Variants in DNAH10 observed in about 807,000 individuals in gnomAD.
The protein encoded by DNAH10 is axonemal beta dynein heavy chain 10.
A neutral mutation model predicts 506.6 loss-of-function variants in DNAH10; 348 were observed. The observed-to-expected ratio is 0.69, with a 90% CI of 0.63 to 0.75. The LOEUF (loss-of-function observed/expected upper bound fraction) is 0.75, where lower values mean the gene tolerates loss of function less well. Ranked by LOEUF, DNAH10 falls within the 30% of genes least tolerant of loss-of-function variation. The pLI is 0.00. For synonymous variants in DNAH10, 2,059 were observed against 2,198.6 expected (o/e 0.94, Z 1.78); for missense variants, 5,179 against 5,787.1 (o/e 0.89, Z 3.41).
At chr12:123,813,687 G>A in intron 20 of DNAH10, 47 bp downstream of exon 20, 1 of 1,612,760 alleles carries the variant, frequency 6.2e-7, no homozygotes, top group Non-Finnish European at 8.5e-7. Context: ...GTGTAAGTTG[G>A]GTCTTCATTT....
rs374930458 is a variant in DNAH10 at position 123,766,908 on chromosome 12, C to CTT, written c.215-684_215-683dup. On this transcript the variant is annotated intron_variant, in intron 1 of 78. Coordinates refer to ENST00000673944, the MANE Select transcript of DNAH10 (RefSeq NM_001372106.1). ...AGTTTTTTCTTTTCTTTTCTTTTTTCTTTTTTTTTTTTTTTGAGACAGAGC... is the reference window on the plus strand; with the variant it reads ...AGTTTTTTCTTTTCTTTTCTTTTTTCTTTTTTTTTTTTTTTTTGAGACAGAGC... 4.6e-3 allele frequency among the ~76,000 whole-genome samples: 638 copies of CTT among 137,952 alleles called. 8 individuals are homozygous for CTT. The highest frequency in any genetic ancestry group is 0.015 in the African/African-American group (574 of 38,396). The allele number at this position is 137,952 out of a possible 152,430, so 90.5% of individuals were successfully genotyped here.
chr12:123,902,922 C>G lies in DNAH10; in HGVS notation c.9641-17C>G. 1 of 1,568,692 alleles carries G rather than the reference C, an allele frequency of 6.4e-7. No individual in the cohort carries two copies. The highest frequency in any genetic ancestry group is 8.6e-7 in the Non-Finnish European group (1 of 1,157,282). Reference sequence around the variant, plus strand: ...CTCTGAGCCCAAGCTTTACTCACCCCCTGTCCTACCCTGCAGCCGAGGAGA... The same window carrying G: ...CTCTGAGCCCAAGCTTTACTCACCCGCTGTCCTACCCTGCAGCCGAGGAGA... On this transcript the variant is annotated splice_polypyrimidine_tract_variant and intron_variant, in intron 56 of 78. Transcript: ENST00000673944. This position sits in a 1 kb window ranked among gnomAD's most constrained non-coding sequence, Gnocchi z 4.5.
At chr12:123,843,860 G>A (rs1441863990) in intron 30 of DNAH10, among the ~76,000 whole-genome samples, 1 of 152,234 alleles carries the variant, frequency 6.6e-6, no homozygotes, top group African/African-American at 2.4e-5. Flanking sequence ...TTACAGGCGT[G>A]AGCCAAAGCA....
intron 31 of DNAH10, 46 bp from the exon 32 acceptor site, chr12:123,845,925 A>G (rs1168769764): frequency 1.2e-6 from 2 of 1,612,574 alleles, no homozygotes; most frequent in South Asian, 1.1e-5. Context: ...TGGTCCGCTG[A>G]TCTGTCTCAA....
rs958266875 is a variant in DNAH10 at position 123,870,366 on chromosome 12, G to A, written c.7520G>A (p.Gly2507Asp). The A allele has an allele frequency of 1.2e-6, 2 of 1,612,752 alleles. No individual in the cohort carries two copies. Among genetic ancestry groups the A allele is most frequent in the Non-Finnish European group, 1.7e-6 (2 of 1,179,450 alleles). ...TGAAATCAACCATGATTTCCTGCAG[G>A]TCAACTTCCAACCTTGTATGACTTT... Reference protein sequence around the residue: ...GVWANPGELPGQLPTLYDFHF... With the variant: ...GVWANPGELPDQLPTLYDFHF... The change falls in exon 44 of 79, where the codon GGT becomes GAT. Residue 2507 changes from glycine to aspartate, a missense_variant and splice_region_variant. By Grantham distance (94) the Gly-to-Asp change is moderately conservative. Transcript: ENST00000673944.
At chr12:123,858,325 G>T (rs1476734155) in intron 37 of DNAH10, among the ~76,000 whole-genome samples, 1 of 152,176 alleles carries the variant, frequency 6.6e-6, no homozygotes, top group African/African-American at 2.4e-5. Flanking sequence ...GACCTGGGGG[G>T]TTGCCTCGGG....
At chr12:123,782,985 A>G in intron 6 of DNAH10, 122 bp from the exon 7 acceptor site, 1 of 730,024 alleles carries the variant, frequency 1.4e-6, no homozygotes. Flanking sequence ...AGGACAGGGG[A>G]TGCGTCAGAC....
chr12:123,853,922 A>G lies in DNAH10; in HGVS notation c.6438+570A>G, dbSNP rs1343628516. On this transcript the variant is annotated intron_variant, in intron 36 of 78. Transcript: ENST00000673944. The surrounding 1 kb of genome is among the most constrained non-coding windows in gnomAD (Gnocchi z 4.7). Reference sequence around the variant, plus strand: ...CGCACGCACATGTACACATACGCACACGCACGCACACGCACACGCACACAC... The same window carrying G: ...CGCACGCACATGTACACATACGCACGCGCACGCACACGCACACGCACACAC... Among the ~76,000 whole-genome samples, 1 of 150,714 alleles carries G rather than the reference A, an allele frequency of 6.6e-6. No individual in the cohort carries two copies. The highest frequency in any genetic ancestry group is 2.4e-5 in the African/African-American group (1 of 40,932).
At chr12:123,899,659 C>G (rs950249109) in intron 56 of DNAH10, among the ~76,000 whole-genome samples, 1 of 152,200 alleles carries the variant, frequency 6.6e-6, no homozygotes, top group African/African-American at 2.4e-5. Flanking sequence ...TAGATGTTCT[C>G]TGGGACTGCA....
chr12:123,779,508 A>C (rs1478317720), intron 5 of DNAH10, among the ~76,000 whole-genome samples: 1 of 152,172 alleles, frequency 6.6e-6, no homozygotes, highest in East Asian at 1.9e-4. Flanking sequence ...AGTAGCTGTG[A>C]GAGGCGTCTT....
chr12:123,808,980 G>C, intron 19 of DNAH10, 27 bp downstream of exon 19: 1 of 1,612,678 alleles, frequency 6.2e-7, no homozygotes, highest in South Asian at 1.1e-5. Context: ...TTGTGTCCTT[G>C]CTCAGACGGC....
At position 123,894,082 on chromosome 12, in the gene DNAH10, C is replaced by CT. The variant is rs558490981; in HGVS notation, c.9200-535dup. ...GTCTCAGGGTTGCAGAATGAGCATC[C>CT]TTTTTTTTTTTTTTTTTTTTTTTTT... On this transcript the variant is annotated intron_variant, in intron 53 of 78. Transcript: ENST00000673944. Among the ~76,000 whole-genome samples the CT allele has an allele frequency of 3.9e-3, 345 of 89,160 alleles. 13 individuals are homozygous for CT. Among genetic ancestry groups the CT allele is most frequent in the East Asian group, 0.012 (35 of 2,894 alleles). 58.5% of individuals were successfully genotyped at this position (89,160 alleles called of 152,430 possible).
intron 43 of DNAH10, among the ~76,000 whole-genome samples, chr12:123,869,056 C>A (rs918675017): frequency 2.0e-5 from 3 of 152,228 alleles, no homozygotes; most frequent in African/African-American, 2.4e-5. Flanking sequence ...GTGGGCATCC[C>A]ATTTCCAGAC....
intron 35 of DNAH10, among the ~76,000 whole-genome samples, chr12:123,851,350 C>A (rs1391220672): frequency 6.9e-6 from 1 of 144,540 alleles, no homozygotes; most frequent in Non-Finnish European, 1.5e-5. Flanking sequence ...GACTGGGGAC[C>A]TAGGATGTGT....
rs772652013 is a variant in DNAH10 at position 123,902,974 on chromosome 12, A to G, written c.9676A>G (p.Met3226Val). 9 of 1,592,132 alleles carry G rather than the reference A, an allele frequency of 5.7e-6. No individual in the cohort carries two copies. Among genetic ancestry groups the G allele is most frequent in the Middle Eastern group, 1.6e-4 (1 of 6,062 alleles). ...GAAGAAACTGGCAGAGGAAAAGGCC[A>G]TGGAGATAGAGGAGCAGAACAAAGT... is the stretch of plus-strand genomic sequence containing the variant. ...EKKKLAEEKA[M>V]EIEEQNKVIA... The change falls in exon 57 of 79, where the codon ATG becomes GTG. Residue 3226 changes from methionine to valine, a missense_variant. Met to Val is a conservative substitution (Grantham distance 21, BLOSUM62 1). Transcript: ENST00000673944. This position sits in a 1 kb window ranked among gnomAD's most constrained non-coding sequence, Gnocchi z 4.5.
intron 47 of DNAH10, among the ~76,000 whole-genome samples, chr12:123,876,175 G>C (rs1952248329): frequency 6.6e-6 from 1 of 152,188 alleles, no homozygotes; most frequent in Admixed American, 6.5e-5. Context: ...GGCCTGATCA[G>C]TAGGAACTAT....
intron 16 of DNAH10, among the ~76,000 whole-genome samples, chr12:123,802,444 T>C (rs1461000008): frequency 6.6e-6 from 1 of 152,174 alleles, no homozygotes; most frequent in Non-Finnish European, 1.5e-5. Context: ...TAGCTTGGAT[T>C]ATAGGCACCT....
chr12:123,799,556 G>A (rs960367839), intron 14 of DNAH10, among the ~76,000 whole-genome samples, 185 bp downstream of exon 14: 4 of 152,062 alleles, frequency 2.6e-5, no homozygotes, highest in Admixed American at 2.0e-4. Context: ...GCTAGGACGC[G>A]GGCTGGAAAC....
intron 12 of DNAH10, among the ~76,000 whole-genome samples, chr12:123,795,103 G>A (rs1315775215): frequency 2.1e-5 from 3 of 141,138 alleles, no homozygotes; most frequent in South Asian, 2.2e-4. Context: ...AGCTGAGATC[G>A]CGCGATTGCA....
Sources: allele counts gnomAD v4.1 joint callset (sites outside exome capture counted in the v4.1 genomes callset), GRCh38; gene constraint gnomAD v4.1.1; non-coding constraint Gnocchi (gnomAD v3.1); transcripts MANE v1.5; gene names NCBI Gene and HGNC (gene_info 2026-07-23, HGNC 2026-07-21).